Variants in PIK3R1 observed in about 807,000 individuals in gnomAD.
The protein encoded by PIK3R1 is phosphatidylinositol 3-kinase regulatory subunit alpha.
A neutral mutation model predicts 98.0 loss-of-function variants in PIK3R1; 29 were observed. That is an observed-to-expected ratio of 0.30 (90% CI 0.22 to 0.40). The LOEUF is 0.40. Ranked by LOEUF, PIK3R1 falls within the 10% of genes least tolerant of loss-of-function variation. PIK3R1 has a pLI of 1.00. For missense variants in PIK3R1, 596 were observed against 872.7 expected, an observed-to-expected ratio of 0.68 and a Z score of 3.99; for synonymous variants, 282 against 311.8, an observed-to-expected ratio of 0.90 and a Z score of 1.01.
intron 13 of PIK3R1, 21 bp from the exon 14 acceptor site, chr5:68,295,399 C>T (rs1414436917): frequency 3.7e-6 from 6 of 1,613,916 alleles, no homozygotes; most frequent in Non-Finnish European, 5.1e-6. Flanking sequence ...AATGCGTTCT[C>T]TTTTCAAAAC....
intron 7 of PIK3R1, chr5:68,290,911 C>G (rs1013334408): frequency 1.1e-6 from 1 of 897,302 alleles, no homozygotes; most frequent in South Asian, 1.9e-5. Context: ...TGTAAAAGAT[C>G]CTTTTTGGAT....
intron 2 of PIK3R1, among the ~76,000 whole-genome samples, chr5:68,264,314 C>A (rs1245577821): frequency 2.0e-5 from 3 of 152,162 alleles, no homozygotes; most frequent in Non-Finnish European, 4.4e-5. Context: ...CCATCAGTGT[C>A]ACGTAAAGAT....
intron 8 of PIK3R1, 124 bp from the exon 9 acceptor site, chr5:68,292,977 A>G (rs1484671245): frequency 1.3e-6 from 1 of 772,772 alleles, no homozygotes; most frequent in South Asian, 1.8e-5. Flanking sequence ...ATGGGCACTC[A>G]CTGTACTTTC....
chr5:68,299,414 CATT>C lies in PIK3R1; in HGVS notation c.*1814_*1816del, dbSNP rs963744915. 2.2e-5 allele frequency: 5 copies of C among 232,060 alleles called. No homozygotes were observed. Among genetic ancestry groups the C allele is most frequent in the African/African-American group, 1.1e-4 (5 of 44,108 alleles). The allele number at this position is 232,060 out of a possible 1,614,324, so 14.4% of individuals were successfully genotyped here. ...GGCAGTCCTTCTCATTCATTCTAAT[CATT>C]GTATGTGCTTCACTACGGGGGGGAG... On this transcript the variant is annotated 3_prime_UTR_variant, in exon 16 of 16. Coordinates refer to ENST00000521381, the MANE Select transcript of PIK3R1 (RefSeq NM_181523.3).
intron 2 of PIK3R1, among the ~76,000 whole-genome samples, chr5:68,234,912 C>A (rs193217199): frequency 1.3e-5 from 2 of 152,256 alleles, no homozygotes; most frequent in African/African-American, 4.8e-5. Context: ...ACATAATGCT[C>A]TCAGACTTGG....
intron 1 of PIK3R1, among the ~76,000 whole-genome samples, chr5:68,219,584 T>C (rs1389024387): frequency 6.6e-6 from 1 of 152,228 alleles, no homozygotes; most frequent in Non-Finnish European, 1.5e-5. Flanking sequence ...AGGCCTCCTT[T>C]GTCCTGACCT....
At chr5:68,247,757 G>GGCTTT (rs1745154847) in intron 2 of PIK3R1, among the ~76,000 whole-genome samples, 1 of 151,924 alleles carries the variant, frequency 6.6e-6, no homozygotes, top group African/African-American at 2.4e-5. Flanking sequence ...TGTTAGTTTG[G>GGCTTT]GCTTTCCTTC....
At chr5:68,281,528 A>G (rs1746841194) in intron 7 of PIK3R1, among the ~76,000 whole-genome samples, 1 of 152,248 alleles carries the variant, frequency 6.6e-6, no homozygotes, top group Non-Finnish European at 1.5e-5. Flanking sequence ...GCTGCTGTTC[A>G]GTTAGCCATT....
chr5:68,299,107 C>G lies in PIK3R1; in HGVS notation c.*1506C>G, dbSNP rs1254629199. On this transcript the variant is annotated 3_prime_UTR_variant, in exon 16 of 16. Transcript: ENST00000521381. The stretch of plus-strand genomic sequence containing the variant: ...TATTTCAGTTCTTAGGAAGGAAGTG[C>G]CAAGTTTGTTTTTGGGTTCCTGGAA... The G allele has an allele frequency of 8.6e-6, 2 of 233,316 alleles. No homozygotes were observed. The highest frequency in any genetic ancestry group is 5.6e-5 in the Admixed American group (1 of 17,768). 14.5% of individuals were successfully genotyped at this position (233,316 alleles called of 1,614,324 possible). A position where few individuals can be genotyped will look rare whatever the true frequency, so the allele number is the denominator to read the frequency against.
At chr5:68,256,673 G>A (rs1312847299) in intron 2 of PIK3R1, among the ~76,000 whole-genome samples, 1 of 152,008 alleles carries the variant, frequency 6.6e-6, no homozygotes, top group Non-Finnish European at 1.5e-5. Context: ...AGTCTCAGTT[G>A]TGCAAAATTC....
intron 2 of PIK3R1, among the ~76,000 whole-genome samples, chr5:68,260,393 C>T (rs1193298088): frequency 6.6e-6 from 1 of 152,060 alleles, no homozygotes; most frequent in African/African-American, 2.4e-5. Context: ...CCCCTCCCGC[C>T]ATCTCTTAGA....
At chr5:68,219,449 G>A (rs753339264) in intron 1 of PIK3R1, among the ~76,000 whole-genome samples, 6 of 152,162 alleles carry the variant, frequency 3.9e-5, no homozygotes, top group African/African-American at 4.8e-5. Flanking sequence ...CTTCCTCCCC[G>A]GATGTCCCAG....
At position 68,226,877 on chromosome 5, in the gene PIK3R1, G is replaced by C. The variant is rs755043940; in HGVS notation, c.202G>C (p.Asp68His). ...TAATGAAACCACAGGGGAAAGGGGG[G>C]ACTTTCCGGGAACTTACGTAGAATA... is the stretch of plus-strand genomic sequence containing the variant. Reference protein sequence around the residue: ...GYNETTGERGDFPGTYVEYIG... With the variant: ...GYNETTGERGHFPGTYVEYIG... The change falls in exon 2 of 16, where the codon GAC (aspartate) becomes CAC (histidine). Residue 68 changes from aspartate (D) to histidine (H), a missense_variant. Asp to His is a moderately conservative substitution (Grantham distance 81). This residue lies in a region of PIK3R1 where 352 missense variants were observed against 393.3 expected (regional missense o/e 0.90). Coordinates refer to ENST00000521381, the MANE Select transcript of PIK3R1 (RefSeq NM_181523.3). 17 of 1,613,946 alleles carry C rather than the reference G, an allele frequency of 1.1e-5. No individual in the cohort carries two copies. Among genetic ancestry groups the C allele is most frequent in the Admixed American group, 6.7e-5 (4 of 59,990 alleles).
chr5:68,246,569 T>G (rs1351274937), intron 2 of PIK3R1, among the ~76,000 whole-genome samples: 1 of 152,232 alleles, frequency 6.6e-6, no homozygotes, highest in African/African-American at 2.4e-5. Flanking sequence ...CGCTTCAGCC[T>G]CCCAAAGTGC....
intron 2 of PIK3R1, among the ~76,000 whole-genome samples, chr5:68,266,406 C>T (rs1746124844): frequency 6.6e-6 from 1 of 152,134 alleles, no homozygotes; most frequent in South Asian, 2.1e-4. Context: ...TTAATAGGGG[C>T]TCCTATTGCT....
In PIK3R1 at chr5:68,294,610, C is replaced by A. The variant is rs1747589573; in HGVS notation, c.1500C>A (p.Thr500=). 2 of 1,611,436 alleles carry A rather than the reference C, an allele frequency of 1.2e-6. No homozygotes were observed. Among genetic ancestry groups the A allele is most frequent in the Non-Finnish European group, 1.7e-6 (2 of 1,178,414 alleles). The part of the protein sequence containing the change: ...TIKIFEEQCQ[T]QERYSKEYIE... ...AAATATTTGAAGAACAGTGCCAGAC[C>A]CAAGAGCGGTACAGCAAAGAATACA... The change falls in exon 12 of 16, where the codon ACC becomes ACA. Residue 500 remains threonine (T), a synonymous_variant. Transcript: ENST00000521381.
At chr5:68,267,898 C>T (rs1034320569) in intron 2 of PIK3R1, among the ~76,000 whole-genome samples, 1 of 152,110 alleles carries the variant, frequency 6.6e-6, no homozygotes, top group Non-Finnish European at 1.5e-5. Flanking sequence ...AATGTGCTTC[C>T]AGCTTGCTTC....
chr5:68,226,718 A>G lies in PIK3R1; in HGVS notation c.43A>G (p.Lys15Glu). Residue 15 changes from lysine to glutamate, a missense_variant, in exon 2 of 16, where the codon AAA (lysine) becomes GAA (glutamate). Lys to Glu is a moderately conservative substitution (Grantham distance 56). Coordinates refer to ENST00000521381, the MANE Select transcript of PIK3R1 (RefSeq NM_181523.3). ...CCAGTACAGAGCGCTGTATGATTAT[A>G]AAAAGGAAAGAGAAGAAGATATTGA... Reference protein sequence around the residue: ...GYQYRALYDYKKEREEDIDLH... With the variant: ...GYQYRALYDYEKEREEDIDLH... 2 of 1,614,114 alleles carry G rather than the reference A, an allele frequency of 1.2e-6. No homozygotes were observed. The highest frequency in any genetic ancestry group is 1.7e-6 in the Non-Finnish European group (2 of 1,179,998).
intron 2 of PIK3R1, chr5:68,239,989 C>T: frequency 2.1e-6 from 1 of 480,120 alleles, no homozygotes; most frequent in Non-Finnish European, 4.2e-6. Context: ...GAAACTGTGG[C>T]TCTTAACTGG....
Sources: allele counts gnomAD v4.1 joint callset (sites outside exome capture counted in the v4.1 genomes callset), GRCh38; gene constraint gnomAD v4.1.1; regional missense constraint gnomAD v4.1.1; transcripts MANE v1.5; gene names NCBI Gene and HGNC (gene_info 2026-07-23, HGNC 2026-07-21).